Variants in CDK19 observed in about 807,000 individuals in gnomAD.
CDK19 encodes cyclin-dependent kinase 19.
In CDK19, 20 loss-of-function variants were observed where a neutral mutation model predicts 68.3. The ratio of observed to expected loss-of-function variants is 0.29; its 90% confidence interval spans 0.21 to 0.43. The LOEUF is 0.43. Ranked by LOEUF, CDK19 falls within the 20% of genes least tolerant of loss-of-function variation. The pLI is 1.00. For synonymous variants in CDK19, 221 were observed against 222.8 expected (o/e 0.99, Z 0.07); for missense variants, 339 against 623.5 (o/e 0.54, Z 4.86).
chr6:110,798,315 A>T (rs1207596909), intron 1 of CDK19, among the ~76,000 whole-genome samples: 2 of 152,120 alleles, frequency 1.3e-5, no homozygotes, highest in African/African-American at 4.8e-5. Context: ...GGAGAGGAAA[A>T]ATACAAGTTT....
intron 8 of CDK19, 66 bp downstream of exon 8, chr6:110,626,710 A>T: frequency 2.1e-6 from 2 of 961,832 alleles, no homozygotes; most frequent in Non-Finnish European, 3.1e-6. Context: ...TTGTTTATAA[A>T]TTACCCAGTC....
intron 4 of CDK19, among the ~76,000 whole-genome samples, chr6:110,658,598 T>A (rs1173730746): frequency 6.6e-6 from 1 of 152,210 alleles, no homozygotes; most frequent in African/African-American, 2.4e-5. Flanking sequence ...AGTTGCTAAT[T>A]GTGATCTCAT....
rs1778728323 is a variant in CDK19, at chr6:110,754,853, C to A, written c.129-8652G>T. ...AATCTTAAGTCAGACTTACTTGCAA[C>A]AGAAGGTAATATAATAAGTGATGTG... On this transcript the variant is annotated intron_variant, in intron 1 of 12. Coordinates refer to ENST00000368911, the MANE Select transcript of CDK19 (RefSeq NM_015076.5). Among the ~76,000 whole-genome samples, 5 of 152,174 alleles carry A rather than the reference C, an allele frequency of 3.3e-5. 1 individual carries two copies. In the South Asian group the frequency reaches 1.0e-3, roughly 32 times the overall value.
At chr6:110,814,929 G>A (rs913116352) in intron 1 of CDK19, 80 bp downstream of exon 1, 2 of 1,582,384 alleles carry the variant, frequency 1.3e-6, no homozygotes, top group Non-Finnish European at 8.6e-7. Flanking sequence ...GGCCCGACTG[G>A]GATCCGACCC....
intron 2 of CDK19, among the ~76,000 whole-genome samples, chr6:110,713,644 G>C (rs1775142697): frequency 6.6e-6 from 1 of 151,940 alleles, no homozygotes; most frequent in Non-Finnish European, 1.5e-5. Flanking sequence ...ATAACGTTTT[G>C]TAATTTTTCT....
At chr6:110,646,250 C>T in intron 4 of CDK19, 1 of 1,496,594 alleles carries the variant, frequency 6.7e-7, no homozygotes, top group African/African-American at 1.4e-5. Flanking sequence ...TGTGGCCGTT[C>T]CACACACATA....
At chr6:110,695,535 T>G (rs930166622) in intron 2 of CDK19, among the ~76,000 whole-genome samples, 2 of 151,128 alleles carry the variant, frequency 1.3e-5, no homozygotes, top group Admixed American at 6.6e-5. Flanking sequence ...ACAAAAAAAT[T>G]TACAATAGAT....
intron 2 of CDK19, among the ~76,000 whole-genome samples, chr6:110,733,448 C>A (rs187795776): frequency 2.0e-3 from 299 of 152,204 alleles, no homozygotes; most frequent in Non-Finnish European, 3.0e-3. Context: ...GCATTAATTT[C>A]TCTTGGGTAC....
intron 8 of CDK19, among the ~76,000 whole-genome samples, chr6:110,623,878 CG>C (rs1198553650): frequency 1.3e-5 from 1 of 78,266 alleles, no homozygotes; most frequent in Non-Finnish European, 2.2e-5. Context: ...AGTATATATA[CG>C]TATATATATA....
chr6:110,799,983 A>G (rs1049129501), intron 1 of CDK19, among the ~76,000 whole-genome samples: 4 of 152,204 alleles, frequency 2.6e-5, no homozygotes, highest in African/African-American at 9.6e-5. Flanking sequence ...ACTAAAGATT[A>G]CATTTCCTTC....
chr6:110,680,736 C>G (rs1297793378), intron 2 of CDK19, among the ~76,000 whole-genome samples: 1 of 152,154 alleles, frequency 6.6e-6, no homozygotes, highest in African/African-American at 2.4e-5. Flanking sequence ...GTGGCTCACA[C>G]CTGTTATCCC....
chr6:110,742,402 A>G (rs1442203075), intron 2 of CDK19, among the ~76,000 whole-genome samples: 1 of 152,198 alleles, frequency 6.6e-6, no homozygotes, highest in Non-Finnish European at 1.5e-5. Flanking sequence ...TAGATTGTAA[A>G]ACGTGTGTTT....
At chr6:110,691,656 TTTTTA>T (rs1011750353) in intron 2 of CDK19, among the ~76,000 whole-genome samples, 3 of 151,286 alleles carry the variant, frequency 2.0e-5, no homozygotes, top group African/African-American at 7.3e-5. Flanking sequence ...TTATTTTTTC[TTTTTA>T]TTTTGAGATG....
intron 4 of CDK19, chr6:110,646,265 C>T: frequency 4.0e-6 from 6 of 1,503,284 alleles, no homozygotes; most frequent in African/African-American, 1.4e-5. Context: ...CACATAGTTG[C>T]GTGTGCTGCC....
intron 1 of CDK19, among the ~76,000 whole-genome samples, chr6:110,757,766 C>T (rs1778934180): frequency 6.6e-6 from 1 of 152,104 alleles, no homozygotes; most frequent in Non-Finnish European, 1.5e-5. Context: ...AAGATAATAA[C>T]AATTGAACCT....
chr6:110,667,356 A>C, intron 4 of CDK19, 78 bp downstream of exon 4: 1 of 940,120 alleles, frequency 1.1e-6, no homozygotes, highest in Non-Finnish European at 1.6e-6. Flanking sequence ...GTTTTATTAT[A>C]ATGGTACCAA....
rs770697184 is a variant in CDK19, at chr6:110,621,152, C to A, written c.1329G>T (p.Gly443=). The A allele has an allele frequency of 1.2e-6, 2 of 1,614,158 alleles. No homozygotes were observed. Among genetic ancestry groups the A allele is most frequent in the South Asian group, 2.2e-5 (2 of 91,078 alleles). ...GTCCACCTGAGTTTGCGCCTGAAGG[C>A]CCTAGCCGTGGCTTCTTGTTTGGAG... ...QVPPNKKPRL[G]PSGANSGGPV... is the part of the protein sequence containing the mutation. Residue 443 remains glycine (G), a synonymous_variant, in exon 12 of 13, where the codon GGG becomes GGT. Coordinates refer to ENST00000368911, the MANE Select transcript of CDK19 (RefSeq NM_015076.5). This position sits in a 1 kb window ranked among gnomAD's most constrained non-coding sequence, Gnocchi z 5.4.
chr6:110,720,166 T>C (rs896132497), intron 2 of CDK19, among the ~76,000 whole-genome samples: 3 of 152,066 alleles, frequency 2.0e-5, no homozygotes, highest in African/African-American at 4.8e-5. Context: ...ACTTGTTCTT[T>C]ACAGAATCAA....
chr6:110,629,085 T>G (rs1209542081), intron 6 of CDK19, among the ~76,000 whole-genome samples: 6 of 152,160 alleles, frequency 3.9e-5, no homozygotes, highest in African/African-American at 1.4e-4. Context: ...TTACCACCTC[T>G]ACTATGCAGT....
Sources: gnomAD v4.1 joint callset for allele counts (sites outside exome capture counted in the v4.1 genomes callset) on GRCh38, gnomAD v4.1.1 for gene constraint, Gnocchi (gnomAD v3.1) non-coding constraint, MANE v1.5 for transcripts, NCBI Gene and HGNC (gene_info 2026-07-23, HGNC 2026-07-21) for gene names.